CLUAP1: variants seen among roughly 807,000 people sequenced by gnomAD.
CLUAP1 encodes clusterin-associated protein 1.
A neutral mutation model predicts 55.0 loss-of-function variants in CLUAP1; 50 were observed. The observed-to-expected ratio is 0.91, with a 90% CI of 0.72 to 1.15. CLUAP1 has a LOEUF of 1.15. Among genes scored for constraint, CLUAP1 ranks in the 50% most tolerant of loss-of-function variants. CLUAP1 has a pLI of 0.00. For missense variants in CLUAP1, 530 were observed against 507.6 expected (o/e 1.04, Z -0.42); for synonymous variants, 195 against 175.4 (o/e 1.11, Z -0.88).
upstream of CLUAP1, chr16:3,500,951 C>A: frequency 1.8e-6 from 2 of 1,125,564 alleles, no homozygotes; most frequent in South Asian, 1.3e-5. Context: ...TTTTGTTTGT[C>A]CCTGACCGTG....
intron 8 of CLUAP1, among the ~76,000 whole-genome samples, chr16:3,525,967 A>G (rs892852031): frequency 2.6e-5 from 4 of 152,146 alleles, no homozygotes; most frequent in Admixed American, 2.0e-4. Context: ...CCCACCATTT[A>G]GCATCTTTTG....
upstream of CLUAP1, among the ~76,000 whole-genome samples, chr16:3,498,768 G>A (rs1690647435): frequency 6.6e-6 from 1 of 152,124 alleles, no homozygotes; most frequent in South Asian, 2.1e-4. Context: ...GCCGAGGCAG[G>A]AGAATGGCGT....
chr16:3,506,307 C>T, intron 2 of CLUAP1, 24 bp from the exon 3 acceptor site: 2 of 1,594,500 alleles, frequency 1.3e-6, no homozygotes, highest in South Asian at 2.2e-5. Context: ...AACCCGTGCT[C>T]TCTCCTCTTA....
upstream of CLUAP1, chr16:3,496,265 A>C: frequency 1.4e-6 from 1 of 722,594 alleles, no homozygotes; most frequent in Non-Finnish European, 2.5e-6. Context: ...AAGAGCCAGG[A>C]TATCTAACTG....
rs756456814 is a variant in CLUAP1 at position 3,530,642 on chromosome 16, A to G, written c.1003A>G (p.Lys335Glu). The G allele has an allele frequency of 6.2e-7, 1 of 1,614,110 alleles. No homozygotes were observed. Among genetic ancestry groups the G allele is most frequent in the South Asian group, 1.1e-5 (1 of 91,086 alleles). Reference sequence around the variant, plus strand: ...TGAGTTGGAAGAAAGGCGGCTGCCCAAGCCACAGACAGCCATGGAGATGCT... The same window carrying G: ...TGAGTTGGAAGAAAGGCGGCTGCCCGAGCCACAGACAGCCATGGAGATGCT... ...DSELEERRLPKPQTAMEMLMQ... is the reference protein window; with the variant it reads ...DSELEERRLPEPQTAMEMLMQ... Residue 335 changes from lysine to glutamate, a missense_variant, in exon 10 of 12, where the codon AAG becomes GAG. Coordinates refer to ENST00000576634, the MANE Select transcript of CLUAP1 (RefSeq NM_015041.3).
At chr16:3,517,068 GAGGAGGAGC>G (rs2037741589) in intron 6 of CLUAP1, among the ~76,000 whole-genome samples, 1 of 151,806 alleles carries the variant, frequency 6.6e-6, no homozygotes, top group Non-Finnish European at 1.5e-5. Context: ...ATTGGAGGCT[GAGGAGGAGC>G]AGGTCATTCA....
chr16:3,520,703 A>G (rs867267139), intron 7 of CLUAP1, among the ~76,000 whole-genome samples: 5 of 152,300 alleles, frequency 3.3e-5, no homozygotes, highest in Middle Eastern at 6.8e-3. Flanking sequence ...AAACAGAAAC[A>G]TACTCCTGCC....
rs2037555152 is a variant in CLUAP1, at chr16:3,508,551, G to A, written c.399+83G>A. On this transcript the variant is annotated intron_variant, in intron 4 of 11. Coordinates refer to ENST00000576634, the MANE Select transcript of CLUAP1 (RefSeq NM_015041.3). ...AGTGGAAGGAGTCTGCTACAGCTCC[G>A]CTGCTTTTCTTCCTCCTCAGCTGAG... is the stretch of plus-strand genomic sequence containing the variant. 8.6e-6 allele frequency: 11 copies of A among 1,272,024 alleles called. No individual in the cohort carries two copies. The East Asian group carries it at 1.1e-4, about 13-fold the overall frequency. 78.8% of individuals were successfully genotyped at this position (1,272,024 alleles called of 1,614,324 possible). A position where few individuals can be genotyped will look rare whatever the true frequency, so the allele number is the denominator to read the frequency against.
chr16:3,496,873 C>CTTTTTT (rs369156559), upstream of CLUAP1: 156 of 245,446 alleles, frequency 6.4e-4, no homozygotes, highest in East Asian at 4.2e-3. Flanking sequence ...TTTTTCTTTT[C>CTTTTTT]TTTTTTTTTT....
At chr16:3,530,425 T>A (rs1276698149) in intron 9 of CLUAP1, 143 bp from the exon 10 acceptor site, 2 of 649,484 alleles carry the variant, frequency 3.1e-6, no homozygotes, top group African/African-American at 3.7e-5. Flanking sequence ...TTGCATTGCA[T>A]GGGATAAGGA....
Position 3,520,006 on chromosome 16 carries a change from G to A in CLUAP1, c.683G>A (p.Arg228Gln), listed in dbSNP as rs761897891. 16 of 1,613,278 alleles carry A rather than the reference G, an allele frequency of 9.9e-6. No individual in the cohort carries two copies. Among genetic ancestry groups the A allele is most frequent in the Admixed American group, 8.4e-5 (5 of 59,880 alleles). The part of the protein sequence containing the change: ...EKRKLELERN[R>Q]KRLETLQSVR... ...AGAAAATTAGAACTGGAAAGAAATC[G>A]GAAGCGACTAGAGACTCTGCAGAGT... The change falls in exon 7 of 12, where the codon CGG (arginine) becomes CAG (glutamine). Residue 228 changes from arginine (R) to glutamine (Q), a missense_variant. Physicochemically the swap from Arg to Gln is conservative, Grantham distance 43. Coordinates refer to ENST00000576634, the MANE Select transcript of CLUAP1 (RefSeq NM_015041.3).
chr16:3,516,507 A>ATAT (rs1349923958), intron 6 of CLUAP1, among the ~76,000 whole-genome samples: 3 of 152,184 alleles, frequency 2.0e-5, no homozygotes, highest in African/African-American at 7.2e-5. Context: ...AAATATGGCA[A>ATAT]GGATAATGGA....
chr16:3,538,005 A>C lies in CLUAP1; in HGVS notation c.*1734A>C, dbSNP rs1454261790. 6.6e-6 allele frequency: 1 copy of C among 150,650 alleles called. No individual in the cohort carries two copies. The highest frequency in any genetic ancestry group is 1.5e-5 in the Non-Finnish European group (1 of 67,788). The allele number at this position is 150,650 out of a possible 1,614,324, so 9.3% of individuals were successfully genotyped here. ...CAGAGTGAGACTCCATCTCAAAAAA[A>C]AAAAAAAAAAAAAAAGCATACAGTA... On this transcript the variant is annotated 3_prime_UTR_variant, in exon 12 of 12. Coordinates refer to ENST00000576634, the MANE Select transcript of CLUAP1 (RefSeq NM_015041.3).
chr16:3,527,608 G>T (rs2037971175), intron 9 of CLUAP1, among the ~76,000 whole-genome samples: 1 of 152,062 alleles, frequency 6.6e-6, no homozygotes, highest in African/African-American at 2.4e-5. Context: ...CCTGACATCA[G>T]TCAGGCCCGC....
At chr16:3,512,509 A>C in intron 5 of CLUAP1, 31 bp downstream of exon 5, 3 of 1,517,326 alleles carry the variant, frequency 2.0e-6, no homozygotes, top group Non-Finnish European at 2.7e-6. Context: ...TTAACCATGC[A>C]GATTTTCTCT....
chr16:3,525,658 G>A (rs2037927875), intron 8 of CLUAP1, among the ~76,000 whole-genome samples: 1 of 151,968 alleles, frequency 6.6e-6, no homozygotes, highest in Non-Finnish European at 1.5e-5. Flanking sequence ...CAGACCTCTT[G>A]GGCTCAAGCG....
intron 6 of CLUAP1, among the ~76,000 whole-genome samples, chr16:3,517,267 A>G (rs1364849896): frequency 2.0e-5 from 3 of 151,522 alleles, no homozygotes; most frequent in South Asian, 2.1e-4. Flanking sequence ...GCACACCACT[A>G]CACCCAGCTA....
upstream of CLUAP1, among the ~76,000 whole-genome samples, chr16:3,500,503 G>A (rs1009273087): frequency 3.3e-5 from 5 of 151,904 alleles, no homozygotes; most frequent in Non-Finnish European, 7.4e-5. Context: ...CCGAGTAGCT[G>A]GGATTACAGG....
Position 3,530,588 on chromosome 16 carries a change from G to A in CLUAP1, c.949G>A (p.Asp317Asn). 1.2e-6 allele frequency: 2 copies of A among 1,613,946 alleles called. No individual in the cohort carries two copies. Among genetic ancestry groups the A allele is most frequent in the Non-Finnish European group, 1.7e-6 (2 of 1,179,944 alleles). The change falls in exon 10 of 12, where the codon GAC becomes AAC. Residue 317 changes from aspartate to asparagine, a missense_variant. Asp to Asn is a conservative substitution (Grantham distance 23). Transcript: ENST00000576634. ...KSGSNDDSDI[D>N]IQEDDESDSE... ...GCTAGGTAACGATGACTCGGACATA[G>A]ACATCCAGGAGGACGATGAATCCGA...
Sources: gnomAD v4.1 joint callset for allele counts (sites outside exome capture counted in the v4.1 genomes callset) on GRCh38, gnomAD v4.1.1 for gene constraint, MANE v1.5 for transcripts, NCBI Gene and HGNC (gene_info 2026-07-23, HGNC 2026-07-21) for gene names.